PTCD3: variants seen among roughly 807,000 people sequenced by gnomAD.
PTCD3 encodes the protein small ribosomal subunit protein mS39.
A neutral mutation model predicts 101.9 loss-of-function variants in PTCD3; 89 were observed. The ratio of observed to expected loss-of-function variants is 0.87; its 90% CI spans 0.74 to 1.04. The LOEUF (loss-of-function observed/expected upper bound fraction) is 1.04, where lower values mean the gene tolerates loss of function less well. Ranked by LOEUF, PTCD3 falls within the 50% of genes least tolerant of loss-of-function variation. The pLI is 0.00. For missense variants in PTCD3, 870 were observed against 828.2 expected (o/e 1.05, Z -0.62); for synonymous variants, 296 against 278.5 (o/e 1.06, Z -0.63).
chr2:86,108,789 C>T (rs1674016937), intron 3 of PTCD3: 2 of 388,316 alleles, frequency 5.2e-6, no homozygotes, highest in Admixed American at 4.3e-5. Flanking sequence ...TTACTATTTA[C>T]GTGGTTAATA....
At chr2:86,131,184 T>G in intron 16 of PTCD3, 78 bp downstream of exon 16, 2 of 1,090,508 alleles carry the variant, frequency 1.8e-6, no homozygotes, top group Non-Finnish European at 2.7e-6. Flanking sequence ...CTGGTTCTTT[T>G]CACTTTCTAA....
intron 1 of PTCD3, chr2:86,107,007 G>A (rs1270950958): frequency 2.4e-6 from 1 of 408,904 alleles, no homozygotes; most frequent in Non-Finnish European, 5.1e-6. Flanking sequence ...GATGATAATA[G>A]ACAGATTTCC....
At chr2:86,122,941 TATAA>T (rs1225146882) in intron 8 of PTCD3, among the ~76,000 whole-genome samples, 1 of 152,130 alleles carries the variant, frequency 6.6e-6, no homozygotes, top group Non-Finnish European at 1.5e-5. Context: ...GACCTTGGTT[TATAA>T]ATAAAGACAA....
chr2:86,134,114 G>T (rs546038606), intron 19 of PTCD3, among the ~76,000 whole-genome samples, 178 bp from the exon 20 acceptor site: 1 of 152,312 alleles, frequency 6.6e-6, no homozygotes, highest in East Asian at 1.9e-4. Flanking sequence ...GCAAGGCCCA[G>T]GCATTGGCTT....
rs564514481 is a variant in PTCD3 at position 86,131,078 on chromosome 2, A to G, written c.1238A>G (p.Asp413Gly). The G allele has an allele frequency of 1.2e-6, 2 of 1,603,536 alleles. No individual in the cohort carries two copies. Among genetic ancestry groups the G allele is most frequent in the Admixed American group, 1.7e-5 (1 of 57,960 alleles). The change falls in exon 16 of 24, where the codon GAT becomes GGT. Residue 413 changes from aspartate (D) to glycine (G), a missense_variant and splice_region_variant. Asp to Gly is a moderately conservative substitution (Grantham distance 94). Transcript: ENST00000254630. ...KRFSPKDPDD[D>G]KFFQSAMSIC... is the part of the protein sequence containing the mutation. ...AGCTCTTGTGAACTTTGATTTTCAG[A>G]TAAGTTTTTTCAGTCAGCCATGAGC...
Position 86,121,270 on chromosome 2 carries a change from C to T in PTCD3, c.539-209C>T, listed in dbSNP as rs561950036. The stretch of plus-strand genomic sequence containing the variant: ...CTTCATCTTGTGTTCCAATCTTCTA[C>T]GTCAAATTACATGGTTAATAGGGGT... On this transcript the variant is annotated intron_variant, in intron 7 of 23. Transcript: ENST00000254630. Among the ~76,000 whole-genome samples, 4 of 152,258 alleles carry T rather than the reference C, an allele frequency of 2.6e-5. No individual in the cohort carries two copies. In the East Asian group the frequency reaches 5.8e-4, roughly 22 times the overall value.
chr2:86,117,216 AG>A, intron 6 of PTCD3, 57 bp downstream of exon 6: 1 of 683,352 alleles, frequency 1.5e-6, no homozygotes, highest in Non-Finnish European at 2.6e-6. Context: ...AAATTAAACC[AG>A]GCTTTCATGG....
At position 86,127,952 on chromosome 2, in the gene PTCD3, G is replaced by A. The variant is rs1172907115; in HGVS notation, c.1108G>A (p.Ala370Thr). ...MKAIGIEPSL[A>T]TYHHIIRLFD... is the part of the protein sequence containing the mutation. ...CCTGGTAATTTGAGAACCCTCGCTT[G>A]CAACATATCACCATATTATTCGCCT... The change falls in exon 14 of 24, where the codon GCA becomes ACA. Residue 370 changes from alanine to threonine, a missense_variant. Ala to Thr is a moderately conservative substitution (Grantham distance 58). Transcript: ENST00000254630. 1.2e-6 allele frequency: 2 copies of A among 1,610,426 alleles called. No homozygotes were observed. The highest frequency in any genetic ancestry group is 2.2e-5 in the East Asian group (1 of 44,828).
chr2:86,132,498 C>T, intron 17 of PTCD3, 74 bp downstream of exon 17: 1 of 984,460 alleles, frequency 1.0e-6, no homozygotes, highest in Non-Finnish European at 1.6e-6. Context: ...GATGTCCCTT[C>T]ATACCTCACC....
At chr2:86,127,660 G>T (rs1434876969) in intron 13 of PTCD3, 2 of 473,796 alleles carry the variant, frequency 4.2e-6, no homozygotes, top group African/African-American at 3.9e-5. Context: ...TTTATTGAAA[G>T]TTGCTTTGGG....
chr2:86,119,322 T>A, intron 7 of PTCD3: 2 of 400,894 alleles, frequency 5.0e-6, no homozygotes, highest in Non-Finnish European at 8.7e-6. Context: ...TAATGTTAGG[T>A]AGGTATGCAG....
chr2:86,117,634 T>C (rs1392779360), intron 6 of PTCD3, among the ~76,000 whole-genome samples: 1 of 151,886 alleles, frequency 6.6e-6, no homozygotes, highest in Admixed American at 6.6e-5. Flanking sequence ...ATTTTTAGTT[T>C]TTGTAGAGAA....
At chr2:86,127,446 C>G (rs989606996) in intron 13 of PTCD3, 141 bp downstream of exon 13, 3 of 929,268 alleles carry the variant, frequency 3.2e-6, no homozygotes, top group Admixed American at 5.6e-5. Context: ...GGCACATTTA[C>G]TTACATGTAC....
At chr2:86,124,789 G>A (rs1365773475) in intron 9 of PTCD3, among the ~76,000 whole-genome samples, 2 of 152,056 alleles carry the variant, frequency 1.3e-5, no homozygotes, top group Admixed American at 6.6e-5. Context: ...CTTAACCTGC[G>A]AAGCCCTGAC....
chr2:86,126,837 C>CA (rs1001983868), intron 12 of PTCD3, among the ~76,000 whole-genome samples: 11,190 of 121,938 alleles, frequency 0.092, 659 homozygotes, highest in East Asian at 0.2. Flanking sequence ...AACTTTGTCT[C>CA]AAAAAAAAAA....
Position 86,134,344 on chromosome 2 carries a change from G to A in PTCD3, c.1596G>A (p.Leu532=). ...TFRSDLREEI[L]MLMARDKHPP... is the part of the protein sequence containing the mutation. ...GCAGTGACCTGAGAGAAGAGATCCTGATGCTCATGGCAAGGGACAAGCACC... is the reference window on the plus strand; with the variant it reads ...GCAGTGACCTGAGAGAAGAGATCCTAATGCTCATGGCAAGGGACAAGCACC... Residue 532 remains leucine, a synonymous_variant, in exon 20 of 24, where the codon CTG becomes CTA. Coordinates refer to ENST00000254630, the MANE Select transcript of PTCD3 (RefSeq NM_017952.6). The A allele has an allele frequency of 6.2e-7, 1 of 1,613,604 alleles. No individual in the cohort carries two copies. The highest frequency in any genetic ancestry group is 2.2e-5 in the East Asian group (1 of 44,886).
chr2:86,111,456 C>T (rs552554207), intron 4 of PTCD3, among the ~76,000 whole-genome samples: 15 of 151,868 alleles, frequency 9.9e-5, no homozygotes, highest in South Asian at 2.1e-4. Context: ...GGCGTGGTGG[C>T]AGGCACCTGT....
chr2:86,118,679 TC>T (rs1160194550), intron 6 of PTCD3, among the ~76,000 whole-genome samples: 1 of 152,128 alleles, frequency 6.6e-6, no homozygotes, highest in African/African-American at 2.4e-5. Flanking sequence ...TGAGGTAAAA[TC>T]AGCATACCTT....
At chr2:86,106,454 T>A in intron 1 of PTCD3, 103 bp downstream of exon 1, 1 of 1,234,064 alleles carries the variant, frequency 8.1e-7, no homozygotes, top group Non-Finnish European at 1.1e-6. Context: ...GGTTTGCTCA[T>A]GCGCGCCCTT....
Sources: gnomAD v4.1 joint callset for allele counts (sites outside exome capture counted in the v4.1 genomes callset) on GRCh38, gnomAD v4.1.1 for gene constraint, MANE v1.5 for transcripts, NCBI Gene and HGNC (gene_info 2026-07-23, HGNC 2026-07-21) for gene names.